The following TRIM44 variants were observed in gnomAD, a reference collection of about 807,000 sequenced individuals.
The protein encoded by TRIM44 is tripartite motif containing 44.
A neutral mutation model predicts 37.4 loss-of-function variants in TRIM44; 13 were observed. That is an observed-to-expected ratio of 0.35 (90% CI 0.23 to 0.55). The LOEUF is 0.55. Among genes scored for constraint, TRIM44 ranks in the 20% least tolerant of loss-of-function variants. The probability of loss-of-function intolerance (pLI) is 0.89; values close to 1 mark genes in which losing one functional copy is unlikely to be tolerated. For missense variants in TRIM44, 426 were observed against 437.2 expected, an observed-to-expected ratio of 0.97 and a Z score of 0.23; for synonymous variants, 175 against 157.2, an observed-to-expected ratio of 1.11 and a Z score of -0.85.
chr11:35,706,232 T>C (rs1851879169), intron 2 of TRIM44, among the ~76,000 whole-genome samples: 1 of 149,318 alleles, frequency 6.7e-6, no homozygotes, highest in Admixed American at 6.7e-5. Context: ...AATCTCTGAA[T>C]AGACCAATAA....
chr11:35,706,765 A>G (rs1424932046), intron 2 of TRIM44, among the ~76,000 whole-genome samples: 17 of 151,932 alleles, frequency 1.1e-4, no homozygotes, highest in African/African-American at 4.1e-4. Flanking sequence ...ACATATCTCA[A>G]AATAATAAGA....
At chr11:35,713,220 T>G (rs1852000276) in intron 2 of TRIM44, among the ~76,000 whole-genome samples, 1 of 152,214 alleles carries the variant, frequency 6.6e-6, no homozygotes, top group Admixed American at 6.5e-5. Flanking sequence ...TTAATGACTT[T>G]TGTTTACCTC....
At chr11:35,685,913 C>T (rs549665379) in intron 2 of TRIM44, among the ~76,000 whole-genome samples, 18 of 152,272 alleles carry the variant, frequency 1.2e-4, no homozygotes. Flanking sequence ...CCGCCCTCCT[C>T]GTCCTCCCAA....
At chr11:35,670,468 T>C (rs1056747429) in intron 1 of TRIM44, among the ~76,000 whole-genome samples, 1 of 152,216 alleles carries the variant, frequency 6.6e-6, no homozygotes, top group Non-Finnish European at 1.5e-5. Flanking sequence ...TTTGGATTTG[T>C]CTGGTGTTTT....
At chr11:35,748,583 A>G (rs986714849) in intron 4 of TRIM44, among the ~76,000 whole-genome samples, 5 of 152,272 alleles carry the variant, frequency 3.3e-5, no homozygotes, top group Non-Finnish European at 7.3e-5. Context: ...TATTTTTAAA[A>G]TAGAACCTAT....
At chr11:35,786,614 C>T (rs12289152) in intron 4 of TRIM44, among the ~76,000 whole-genome samples, 20,743 of 152,156 alleles carry the variant, frequency 0.14, 1,521 homozygotes, top group African/African-American at 0.18. Flanking sequence ...GTGGTCAAGT[C>T]ACTGACCCCT....
chr11:35,729,248 A>G (rs988271417), intron 3 of TRIM44, among the ~76,000 whole-genome samples: 3 of 152,122 alleles, frequency 2.0e-5, no homozygotes, highest in African/African-American at 7.2e-5. Flanking sequence ...CTCAACCCCA[A>G]TTGGCACGCA....
intron 4 of TRIM44, among the ~76,000 whole-genome samples, chr11:35,758,583 T>C (rs1314884493): frequency 2.0e-5 from 3 of 152,232 alleles, no homozygotes. Flanking sequence ...TGATGCAGTT[T>C]CTTCCCAGCC....
chr11:35,817,073 A>G lies in TRIM44; in HGVS notation c.*10688A>G, dbSNP rs1853590385. ...AAGGTTGTATTAGTCGTTTGCTCCT[A>G]TATTACTAATGATGACAAAGTCGCC... On this transcript the variant is annotated 3_prime_UTR_variant, in exon 5 of 5. Coordinates refer to ENST00000299413, the MANE Select transcript of TRIM44 (RefSeq NM_017583.6). 6.6e-6 allele frequency: 1 copy of G among 152,208 alleles called. No homozygotes were observed. The highest frequency in any genetic ancestry group is 2.4e-5 in the African/African-American group (1 of 41,456). The allele number at this position is 152,208 out of a possible 1,614,324, so 9.4% of individuals were successfully genotyped here.
At chr11:35,762,668 A>G (rs1049349424) in intron 4 of TRIM44, among the ~76,000 whole-genome samples, 2 of 152,160 alleles carry the variant, frequency 1.3e-5, no homozygotes, top group African/African-American at 4.8e-5. Flanking sequence ...CCAAATACAT[A>G]TATCAAACTC....
In TRIM44 at chr11:35,669,173, A is replaced by G. The variant is rs145099398; in HGVS notation, c.669+5393A>G. 1.9e-3 allele frequency among the ~76,000 whole-genome samples: 285 copies of G among 152,316 alleles called. 2 individuals carry two copies. The highest frequency in any genetic ancestry group is 6.6e-3 in the African/African-American group (274 of 41,562). On this transcript the variant is annotated intron_variant, in intron 1 of 4. Coordinates refer to ENST00000299413, the MANE Select transcript of TRIM44 (RefSeq NM_017583.6). ...AATCTTGCATGAAGCTGCATACTTC[A>G]AGAGAGGATTCGAGTTTGATTCTGC...
intron 2 of TRIM44, among the ~76,000 whole-genome samples, chr11:35,697,734 G>A (rs899423612): frequency 1.3e-5 from 2 of 151,598 alleles, no homozygotes; most frequent in Admixed American, 1.3e-4. Flanking sequence ...ATAGTTTGTT[G>A]AGAATGATGG....
chr11:35,728,036 T>G (rs1236651176), intron 3 of TRIM44, among the ~76,000 whole-genome samples: 1 of 152,116 alleles, frequency 6.6e-6, no homozygotes, highest in African/African-American at 2.4e-5. Flanking sequence ...AAATAAAAAT[T>G]TAATTTTGGC....
At chr11:35,752,009 G>A (rs1291878004) in intron 4 of TRIM44, among the ~76,000 whole-genome samples, 5 of 152,122 alleles carry the variant, frequency 3.3e-5, no homozygotes, top group Non-Finnish European at 7.4e-5. Context: ...ACATCCCATG[G>A]CTTTGCTGTC....
chr11:35,773,855 T>C (rs1852911005), intron 4 of TRIM44, among the ~76,000 whole-genome samples: 1 of 152,268 alleles, frequency 6.6e-6, no homozygotes, highest in Non-Finnish European at 1.5e-5. Context: ...CCACATTTTC[T>C]TTATTCAGTC....
At chr11:35,677,046 T>C (rs1851466821) in intron 1 of TRIM44, among the ~76,000 whole-genome samples, 1 of 152,254 alleles carries the variant, frequency 6.6e-6, no homozygotes, top group Non-Finnish European at 1.5e-5. Context: ...GTCCTTTTCA[T>C]ATATTGTTTC....
intron 1 of TRIM44, among the ~76,000 whole-genome samples, chr11:35,677,701 A>C (rs758422532): frequency 5.3e-5 from 8 of 152,146 alleles, no homozygotes; most frequent in Non-Finnish European, 1.0e-4. Context: ...TATTTATTGA[A>C]GGCTTAAAAT....
intron 4 of TRIM44, among the ~76,000 whole-genome samples, chr11:35,803,988 A>G (rs1480400201): frequency 3.6e-5 from 5 of 137,644 alleles, no homozygotes; most frequent in Non-Finnish European, 6.3e-5. Flanking sequence ...TTCTGGGAAG[A>G]AAAAAAAAAA....
chr11:35,696,994 C>A (rs1368618891), intron 2 of TRIM44, among the ~76,000 whole-genome samples: 1 of 152,068 alleles, frequency 6.6e-6, no homozygotes. Flanking sequence ...ATGTCAACCG[C>A]AATTTATAAT....
Sources: allele counts gnomAD v4.1 joint callset (sites outside exome capture counted in the v4.1 genomes callset), GRCh38; gene constraint gnomAD v4.1.1; transcripts MANE v1.5; gene names NCBI Gene and HGNC (gene_info 2026-07-23, HGNC 2026-07-21).